Variants in DYNC1I1 observed in about 807,000 individuals in gnomAD.
The protein encoded by DYNC1I1 is dynein cytoplasmic 1 intermediate chain 1, also known as cytoplasmic dynein 1 intermediate chain 1.
A neutral mutation model predicts 86.6 loss-of-function variants in DYNC1I1; 43 were observed. The ratio of observed to expected loss-of-function variants is 0.50; its 90% CI spans 0.39 to 0.64. The LOEUF is 0.64. Among genes scored for constraint, DYNC1I1 ranks in the 30% least tolerant of loss-of-function variants. The probability of loss-of-function intolerance (pLI) is 0.00; values close to 1 mark genes in which losing one functional copy is unlikely to be tolerated. For missense variants in DYNC1I1, 604 were observed against 788.8 expected, an observed-to-expected ratio of 0.77 and a Z score of 2.81; for synonymous variants, 262 against 283.7, an observed-to-expected ratio of 0.92 and a Z score of 0.77.
chr7:95,900,972 C>A (rs1443382459), intron 6 of DYNC1I1, among the ~76,000 whole-genome samples: 1 of 152,106 alleles, frequency 6.6e-6, no homozygotes, highest in Non-Finnish European at 1.5e-5. Flanking sequence ...CCTTTAATTT[C>A]TTATTTGGTT....
intron 9 of DYNC1I1, among the ~76,000 whole-genome samples, chr7:95,987,778 G>T (rs1793633257): frequency 6.6e-6 from 1 of 152,118 alleles, no homozygotes; most frequent in Non-Finnish European, 1.5e-5. Flanking sequence ...GTGTCCCATA[G>T]AATCTTAAAT....
intron 1 of DYNC1I1, among the ~76,000 whole-genome samples, chr7:95,780,487 C>T (rs1228372911): frequency 2.0e-5 from 3 of 148,246 alleles, no homozygotes; most frequent in Non-Finnish European, 3.0e-5. Flanking sequence ...ACCATGTTAG[C>T]CAGGATGGTC....
intron 5 of DYNC1I1, among the ~76,000 whole-genome samples, chr7:95,850,684 T>G (rs1381720280): frequency 3.3e-5 from 5 of 152,218 alleles, no homozygotes; most frequent in Non-Finnish European, 7.3e-5. Context: ...CAGTTTAAGA[T>G]CTGTCAGCAA....
At chr7:95,913,449 T>C (rs1190933612) in intron 6 of DYNC1I1, among the ~76,000 whole-genome samples, 1 of 152,124 alleles carries the variant, frequency 6.6e-6, no homozygotes, top group East Asian at 1.9e-4. Flanking sequence ...TTGGAGGTAA[T>C]TGAATCACGG....
At position 95,964,208 on chromosome 7, in the gene DYNC1I1, A is replaced by G. The variant is rs17167266; in HGVS notation, c.491-13304A>G. On this transcript the variant is annotated intron_variant, in intron 6 of 16. Coordinates refer to ENST00000447467, the MANE Select transcript of DYNC1I1 (RefSeq NM_001135556.2). ...CCTGGGCTGGGAATTGGACACTAGAATGAGAAAATGGTGAAATGGGAGTCA... is the reference window on the plus strand; with the variant it reads ...CCTGGGCTGGGAATTGGACACTAGAGTGAGAAAATGGTGAAATGGGAGTCA... Among the ~76,000 whole-genome samples, 1,420 of 152,328 alleles carry G rather than the reference A, an allele frequency of 9.3e-3. 22 individuals are homozygous for G. Among genetic ancestry groups the G allele is most frequent in the African/African-American group, 0.032 (1,323 of 41,566 alleles).
chr7:96,003,768 C>A (rs190782248), intron 10 of DYNC1I1, among the ~76,000 whole-genome samples: 83 of 152,174 alleles, frequency 5.5e-4, no homozygotes, highest in Admixed American at 1.8e-3. Context: ...CCACTACCAC[C>A]CCCGAGAGGG....
At chr7:95,969,024 TACG>T (rs1793095766) in intron 6 of DYNC1I1, among the ~76,000 whole-genome samples, 2 of 152,340 alleles carry the variant, frequency 1.3e-5, no homozygotes, top group South Asian at 4.1e-4. Flanking sequence ...TGGCCCTGCT[TACG>T]AGAATGTAGA....
intron 6 of DYNC1I1, among the ~76,000 whole-genome samples, chr7:95,945,639 T>C (rs1353981374): frequency 1.3e-5 from 2 of 152,178 alleles, no homozygotes; most frequent in Admixed American, 1.3e-4. Context: ...CAGCATTCAC[T>C]TTTTTAGCAT....
intron 6 of DYNC1I1, among the ~76,000 whole-genome samples, chr7:95,954,148 CA>C (rs1417773149): frequency 2.6e-5 from 4 of 151,822 alleles, no homozygotes; most frequent in African/African-American, 9.7e-5. Flanking sequence ...CTTGTGGATT[CA>C]AAAGCATTGT....
intron 16 of DYNC1I1, among the ~76,000 whole-genome samples, chr7:96,085,842 G>A (rs922038664): frequency 6.6e-6 from 1 of 152,154 alleles, no homozygotes; most frequent in African/African-American, 2.4e-5. Flanking sequence ...TGGATTGTAG[G>A]AAGGATTCCA....
chr7:96,017,394 T>G (rs771920610), intron 10 of DYNC1I1, among the ~76,000 whole-genome samples: 12 of 152,202 alleles, frequency 7.9e-5, no homozygotes, highest in Non-Finnish European at 1.2e-4. Context: ...TTTTATATTT[T>G]CTAAAAAAGA....
At chr7:96,034,527 C>T (rs1289245852) in intron 12 of DYNC1I1, among the ~76,000 whole-genome samples, 1 of 152,182 alleles carries the variant, frequency 6.6e-6, no homozygotes, top group African/African-American at 2.4e-5. Flanking sequence ...GGGCATCCAA[C>T]AGTTGGCCTG....
At chr7:96,045,745 G>A (rs1453428060) in intron 14 of DYNC1I1, among the ~76,000 whole-genome samples, 2 of 152,166 alleles carry the variant, frequency 1.3e-5, no homozygotes, top group South Asian at 2.1e-4. Context: ...GAGGTTGGAG[G>A]CAAAGGCATG....
chr7:95,818,473 ATTTTTTTTTTT>A lies in DYNC1I1; in HGVS notation c.314+5147_314+5157del, dbSNP rs10590197. 1.7e-5 allele frequency: 10 copies of A among 574,296 alleles called. No individual in the cohort carries two copies. In the Admixed American group the frequency reaches 2.3e-4, roughly 13 times the overall value. 35.6% of individuals were successfully genotyped at this position (574,296 alleles called of 1,614,324 possible). ...CATACCACCACACCCAGCTGATTTA[ATTTTTTTTTTT>A]TTTTTTTTTTGTAGAGACGAAGCAT... On this transcript the variant is annotated intron_variant, in intron 4 of 16. Transcript: ENST00000447467.
chr7:95,897,531 G>A (rs1479890114), intron 6 of DYNC1I1, among the ~76,000 whole-genome samples: 1 of 151,860 alleles, frequency 6.6e-6, no homozygotes. Flanking sequence ...CTATTCAATA[G>A]GAGGCCTAGA....
At chr7:95,786,249 A>G (rs979086519) in intron 1 of DYNC1I1, among the ~76,000 whole-genome samples, 2 of 152,044 alleles carry the variant, frequency 1.3e-5, no homozygotes, top group South Asian at 4.2e-4. Context: ...ACCATATGCT[A>G]CAGTCCCATT....
At chr7:95,807,754 C>T (rs375504532) in intron 2 of DYNC1I1, among the ~76,000 whole-genome samples, 1 of 152,116 alleles carries the variant, frequency 6.6e-6, no homozygotes, top group Non-Finnish European at 1.5e-5. Context: ...CAGAAAGCTG[C>T]CTCTGATACC....
intron 14 of DYNC1I1, among the ~76,000 whole-genome samples, chr7:96,064,784 C>T (rs993169272): frequency 2.0e-5 from 3 of 152,092 alleles, no homozygotes; most frequent in South Asian, 2.1e-4. Context: ...CTCAAGGCTG[C>T]GTTCATCACC....
At chr7:96,055,466 T>C (rs1264088359) in intron 14 of DYNC1I1, among the ~76,000 whole-genome samples, 1 of 152,222 alleles carries the variant, frequency 6.6e-6, no homozygotes, top group Non-Finnish European at 1.5e-5. Context: ...AAAATTCTTA[T>C]TATAGTTATT....
Sources: gnomAD v4.1 joint callset for allele counts (sites outside exome capture counted in the v4.1 genomes callset) on GRCh38, gnomAD v4.1.1 for gene constraint, MANE v1.5 for transcripts, NCBI Gene and HGNC (gene_info 2026-07-23, HGNC 2026-07-21) for gene names.